GGNBP2: variants seen among roughly 807,000 people sequenced by gnomAD.
GGNBP2 encodes the protein gametogenetin binding protein 2.
In GGNBP2, 10 loss-of-function variants were observed where a neutral mutation model predicts 85.9. That is an observed-to-expected ratio of 0.12 (90% CI 0.07 to 0.20). The LOEUF is 0.20. GGNBP2 is among the 10% of genes least tolerant of loss of function. The probability of loss-of-function intolerance (pLI) is 1.00; values close to 1 mark genes in which losing one functional copy is unlikely to be tolerated. For missense variants in GGNBP2, 595 were observed against 857.8 expected (o/e 0.69, Z 3.83); for synonymous variants, 287 against 285.7 (o/e 1.00, Z -0.05).
chr17:36,564,240 G>A (rs1933507882), intron 5 of GGNBP2, among the ~76,000 whole-genome samples: 1 of 152,142 alleles, frequency 6.6e-6, no homozygotes, highest in African/African-American at 2.4e-5. Flanking sequence ...GCCTTCTGGT[G>A]CTTTTTTTCT....
rs2074482575 is a variant in GGNBP2, at chr17:36,567,751, CTAGAAACAT to C, written c.617_625del (p.Leu206_Tyr209delinsHis). On this transcript the variant is annotated inframe_deletion, in exon 6 of 14. Coordinates refer to ENST00000613102, the MANE Select transcript of GGNBP2 (RefSeq NM_024835.5). The stretch of plus-strand genomic sequence containing the variant: ...TGACTCGAGTTGTCTTTTAGAAACA[CTAGAAACAT>C]ATCTGCGAAAACACAGGTAAGTCTG... The C allele has an allele frequency of 6.3e-7, 1 of 1,595,058 alleles. No individual in the cohort carries two copies.
Position 36,554,801 on chromosome 17 carries a change from G to T in GGNBP2, c.94-19G>T, listed in dbSNP as rs199675142. 2.7e-6 allele frequency: 4 copies of T among 1,494,898 alleles called. No homozygotes were observed. In the African/African-American group the frequency reaches 4.1e-5, roughly 15 times the overall value. The allele number at this position is 1,494,898 out of a possible 1,614,324, so 92.6% of individuals were successfully genotyped here. ...CAGAGGGGTAAAGTAATTGATTTCC[G>T]TTCTGTTTGCATTTTAAGATGGTGA... is the stretch of plus-strand genomic sequence containing the variant. On this transcript the variant is annotated intron_variant, in intron 2 of 13. Coordinates refer to ENST00000613102, the MANE Select transcript of GGNBP2 (RefSeq NM_024835.5).
Position 36,587,584 on chromosome 17 carries a change from T to TA in GGNBP2, c.1890+351dup, listed in dbSNP as rs569127085. 6.0e-3 allele frequency: 1,242 copies of TA among 206,584 alleles called. 1 individual carries two copies. The highest frequency in any genetic ancestry group is 0.013 in the South Asian group (159 of 11,932). 12.8% of individuals were successfully genotyped at this position (206,584 alleles called of 1,614,324 possible). ...CATCCCAATAAACCCTTTGTAAAGTTAAAAAAAAAAAATCCCAAATAAGGC... is the reference window on the plus strand; with the variant it reads ...CATCCCAATAAACCCTTTGTAAAGTTAAAAAAAAAAAAATCCCAAATAAGGC... On this transcript the variant is annotated intron_variant, in intron 13 of 13. Transcript: ENST00000613102.
chr17:36,575,821 A>G (rs745907814), intron 6 of GGNBP2, among the ~76,000 whole-genome samples: 4 of 149,798 alleles, frequency 2.7e-5, no homozygotes, highest in South Asian at 2.1e-4. Flanking sequence ...TAATATTTGT[A>G]TTTTTAGTAG....
intron 13 of GGNBP2, among the ~76,000 whole-genome samples, chr17:36,588,872 G>A (rs1420854040): frequency 1.3e-5 from 2 of 152,154 alleles, no homozygotes; most frequent in Admixed American, 6.5e-5. Context: ...AGGACTAACT[G>A]GAGATACGTC....
At chr17:36,567,808 G>A (rs1463220808) in intron 6 of GGNBP2, 32 bp downstream of exon 6, 1 of 1,180,914 alleles carries the variant, frequency 8.5e-7, no homozygotes, top group Non-Finnish European at 1.3e-6. Flanking sequence ...GTATAATGTG[G>A]AAGGTGCCTT....
chr17:36,552,351 A>T (rs1054260526), intron 2 of GGNBP2, among the ~76,000 whole-genome samples: 1 of 152,184 alleles, frequency 6.6e-6, no homozygotes, highest in Non-Finnish European at 1.5e-5. Flanking sequence ...TACCAGGATT[A>T]TTATTATTTT....
chr17:36,568,074 C>T (rs142861702), intron 6 of GGNBP2, among the ~76,000 whole-genome samples: 4 of 152,036 alleles, frequency 2.6e-5, no homozygotes, highest in Admixed American at 6.6e-5. Flanking sequence ...TACAGGCATA[C>T]GCCGCCACAC....
intron 4 of GGNBP2, among the ~76,000 whole-genome samples, chr17:36,558,168 CT>C (rs1301661362): frequency 6.6e-6 from 1 of 151,948 alleles, no homozygotes; most frequent in Non-Finnish European, 1.5e-5. Flanking sequence ...AATCCCAACA[CT>C]TTGGGAGGCC....
intron 6 of GGNBP2, among the ~76,000 whole-genome samples, chr17:36,570,698 C>T (rs2074514915): frequency 1.3e-5 from 2 of 151,372 alleles, no homozygotes; most frequent in Admixed American, 6.6e-5. Flanking sequence ...AGTGAAACTT[C>T]GTTCCCAAAA....
chr17:36,552,042 C>T (rs1453456503), intron 2 of GGNBP2, among the ~76,000 whole-genome samples: 1 of 152,068 alleles, frequency 6.6e-6, no homozygotes, highest in Non-Finnish European at 1.5e-5. Context: ...GATCTTTAAA[C>T]AGTATAGATA....
chr17:36,570,371 G>T (rs2074511007), intron 6 of GGNBP2, among the ~76,000 whole-genome samples: 5 of 152,046 alleles, frequency 3.3e-5, no homozygotes, highest in Admixed American at 3.3e-4. Context: ...TTGAGCAACA[G>T]AGTGAAACGC....
At position 36,557,231 on chromosome 17, in the gene GGNBP2, A is replaced by G; in HGVS notation, c.323A>G (p.Asn108Ser). The G allele has an allele frequency of 6.2e-7, 1 of 1,614,110 alleles. No individual in the cohort carries two copies. The highest frequency in any genetic ancestry group is 8.5e-7 in the Non-Finnish European group (1 of 1,180,014). The change falls in exon 4 of 14, where the codon AAT becomes AGT. Residue 108 changes from asparagine to serine, a missense_variant. Physicochemically the swap from Asn to Ser is conservative, Grantham distance 46. Transcript: ENST00000613102. ...TTTTCCCAGCTTGTAGAGTCTGGAAATCCTGCTCTTGAACCCCTAACAGTA... is the reference window on the plus strand; with the variant it reads ...TTTTCCCAGCTTGTAGAGTCTGGAAGTCCTGCTCTTGAACCCCTAACAGTA... The part of the protein sequence containing the change: ...RLFSQLVESG[N>S]PALEPLTVGP...
At chr17:36,548,851 A>C (rs1266377163) in intron 2 of GGNBP2, among the ~76,000 whole-genome samples, 2 of 151,628 alleles carry the variant, frequency 1.3e-5, no homozygotes, top group African/African-American at 4.8e-5. Flanking sequence ...GACTGAGGCA[A>C]GAGAATTGAT....
chr17:36,579,202 G>A, intron 7 of GGNBP2, 43 bp from the exon 8 acceptor site: 2 of 1,549,414 alleles, frequency 1.3e-6, no homozygotes, highest in Non-Finnish European at 1.8e-6. Flanking sequence ...ATCTTTTACT[G>A]TTTCAGTTAA....
rs956623094 is a variant in GGNBP2 at position 36,587,166 on chromosome 17, T to C, written c.1811T>C (p.Val604Ala). Residue 604 changes from valine to alanine, a missense_variant, in exon 13 of 14, where the codon GTA becomes GCA. Val to Ala is a moderately conservative substitution (Grantham distance 64). Around this residue, in one of 9 missense-constraint regions of GGNBP2, gnomAD observed 120 missense variants for 126.3 expected, o/e 0.95. Transcript: ENST00000613102. Reference sequence around the variant, plus strand: ...CCTTGGTTTGAGCATAGGAAAAATGTACCACAGTTTGCAGAACCTACAGAA... The same window carrying C: ...CCTTGGTTTGAGCATAGGAAAAATGCACCACAGTTTGCAGAACCTACAGAA... ...PLPWFEHRKN[V>A]PQFAEPTETL... is the part of the protein sequence containing the mutation. The C allele has an allele frequency of 1.2e-6, 2 of 1,614,024 alleles. No homozygotes were observed. The highest frequency in any genetic ancestry group is 2.7e-5 in the African/African-American group (2 of 74,916).
intron 8 of GGNBP2, 59 bp from the exon 9 acceptor site, chr17:36,581,284 CA>C (rs1269877067): frequency 5.1e-3 from 5,221 of 1,015,808 alleles, no homozygotes; most frequent in South Asian, 6.4e-3. Context: ...GATTCCGTCT[CA>C]AAAAAAAAAG....
chr17:36,566,456 C>T (rs944010734), intron 5 of GGNBP2, among the ~76,000 whole-genome samples: 6 of 151,160 alleles, frequency 4.0e-5, no homozygotes, highest in Admixed American at 2.6e-4. Flanking sequence ...GCTGAGGAGT[C>T]GGAGATCAGC....
intron 2 of GGNBP2, chr17:36,546,077 C>T (rs184131360): frequency 4.2e-5 from 19 of 453,158 alleles, no homozygotes; most frequent in African/African-American, 1.2e-4. Flanking sequence ...TTGACCCTTT[C>T]CCTTTAGGAG....
Sources: allele counts gnomAD v4.1 joint callset (sites outside exome capture counted in the v4.1 genomes callset), GRCh38; gene constraint gnomAD v4.1.1; regional missense constraint gnomAD v4.1.1; transcripts MANE v1.5; gene names NCBI Gene and HGNC (gene_info 2026-07-23, HGNC 2026-07-21).